Variants in RGN observed in about 807,000 individuals in gnomAD.
The protein encoded by RGN is regucalcin, also known as epididymis secretory protein Li 41.
RGN carries 19 observed loss-of-function variants against 20.6 expected under a neutral mutation model. The ratio of observed to expected loss-of-function variants is 0.92; its 90% CI spans 0.64 to 1.35. The LOEUF (loss-of-function observed/expected upper bound fraction) is 1.35, where lower values mean the gene tolerates loss of function less well. RGN is among the 40% of genes most tolerant of loss of function. The pLI is 0.00. For missense variants in RGN, 302 were observed against 232.7 expected (o/e 1.30, Z -1.94); for synonymous variants, 85 against 87.2 (o/e 0.97, Z 0.14).
chrX:47,080,317 A>T lies in RGN; in HGVS notation c.-635A>T, dbSNP rs1461685317. On this transcript the variant is annotated splice_region_variant and 5_prime_UTR_variant, in exon 2 of 8. Transcript: ENST00000397180. The stretch of plus-strand genomic sequence containing the variant: ...TTATCTGATTTTTTCTCCTTTTCAG[A>T]TAATTTTTCTCTGTCTTCTCCCAGT... The T allele has an allele frequency of 2.7e-5, 3 of 112,136 alleles. No homozygotes were observed. The highest frequency in any genetic ancestry group is 5.6e-5 in the Non-Finnish European group (3 of 53,259). The allele number at this position is 112,136 out of a possible 1,213,427, so 9.2% of individuals were successfully genotyped here. A position where few individuals can be genotyped will look rare whatever the true frequency, so the allele number is the denominator to read the frequency against.
chrX:47,079,784 A>G (rs1172836405), intron 1 of RGN, among the ~76,000 whole-genome samples: 3 of 111,098 alleles, frequency 2.7e-5, no homozygotes, highest in Non-Finnish European at 5.7e-5. Context: ...ATCAAACATT[A>G]TTTTTCTTTT....
intron 3 of RGN, among the ~76,000 whole-genome samples, chrX:47,081,710 A>G (rs1930332357): frequency 9.1e-6 from 1 of 110,123 alleles, no homozygotes; most frequent in Non-Finnish European, 1.9e-5. Flanking sequence ...CACTATGTCC[A>G]GCTAGTTTGT....
rs201514577 is a variant in RGN, at chrX:47,084,562, A to G, written c.308A>G (p.Asn103Ser). 829 of 1,197,784 alleles carry G rather than the reference A, an allele frequency of 6.9e-4. No individual in the cohort carries two copies. The highest frequency in any genetic ancestry group is 9.0e-4 in the Non-Finnish European group (801 of 888,381). The stretch of plus-strand genomic sequence containing the variant: ...AACGACAAGAAAAACAATCGCTTCA[A>G]TGATGGGAAGGTGGATCCCGCCGGG... ...VDNDKKNNRF[N>S]DGKVDPAGRY... Residue 103 changes from asparagine to serine, a missense_variant, in exon 4 of 8, where the codon AAT becomes AGT. By Grantham distance (46) the Asn-to-Ser change is conservative. Transcript: ENST00000397180.
rs1199699582 is a variant in RGN, at chrX:47,090,940, GAAAGAAAGAAAGAAAGA to G, written c.563-735_563-719del. 5.8e-4 allele frequency among the ~76,000 whole-genome samples: 15 copies of G among 26,044 alleles called. 1 individual carries two copies. The highest frequency in any genetic ancestry group is 1.8e-3 in the Admixed American group (5 of 2,730). 22.6% of individuals were successfully genotyped at this position (26,044 alleles called of 115,157 possible). A position where few individuals can be genotyped will look rare whatever the true frequency, so the allele number is the denominator to read the frequency against. ...GGAAAGAAAGAAAGAAAGAAAGAAA[GAAAGAAAGAAAGAAAGA>G]AAGAAAGAAAGAAAGAAAGAAAGAA... is the stretch of plus-strand genomic sequence containing the variant. On this transcript the variant is annotated intron_variant, in intron 5 of 7. Coordinates refer to ENST00000397180, the MANE Select transcript of RGN (RefSeq NM_152869.4).
rs1556385429 is a variant in RGN at position 47,088,950 on chromosome X, AG to A, written c.347-825del. Among the ~76,000 whole-genome samples the A allele has an allele frequency of 6.6e-3, 541 of 81,889 alleles. 22 individuals are homozygous for A. Among genetic ancestry groups the A allele is most frequent in the African/African-American group, 0.024 (510 of 21,626 alleles). 71.1% of individuals were successfully genotyped at this position (81,889 alleles called of 115,157 possible). ...CTCTGCCAAAAAAAAAAAAAAAAGA[AG>A]AAGAAGAAGAAGAAGATAGAAGAAG... On this transcript the variant is annotated intron_variant, in intron 4 of 7. Coordinates refer to ENST00000397180, the MANE Select transcript of RGN (RefSeq NM_152869.4).
At chrX:47,083,925 CA>C (rs1158565764) in intron 3 of RGN, among the ~76,000 whole-genome samples, 3 of 101,140 alleles carry the variant, frequency 3.0e-5, no homozygotes, top group Admixed American at 1.1e-4. Flanking sequence ...ACAAAACAAA[CA>C]AAAAAAAAAA....
At chrX:47,078,975 TC>T (rs1371866458) in intron 1 of RGN, among the ~76,000 whole-genome samples, 15 of 95,750 alleles carry the variant, frequency 1.6e-4, no homozygotes, top group African/African-American at 5.4e-4. Flanking sequence ...TTTTTTTTTT[TC>T]CGAGACAAGG....
At chrX:47,083,669 G>A (rs1840187706) in intron 3 of RGN, among the ~76,000 whole-genome samples, 1 of 112,115 alleles carries the variant, frequency 8.9e-6, no homozygotes, top group African/African-American at 3.2e-5. Context: ...CCAACACTTT[G>A]TGAGGCCAAG....
chrX:47,079,612 T>C (rs1316162890), intron 1 of RGN, among the ~76,000 whole-genome samples: 1 of 108,575 alleles, frequency 9.2e-6, no homozygotes, highest in African/African-American at 3.4e-5. Context: ...TTTGTATTTT[T>C]AGTAGAGATG....
At chrX:47,079,451 G>A (rs782027663) in intron 1 of RGN, among the ~76,000 whole-genome samples, 1 of 101,773 alleles carries the variant, frequency 9.8e-6, no homozygotes, top group South Asian at 5.0e-4. Flanking sequence ...TTTTTTTTGA[G>A]ACGGAGTCTT....
chrX:47,089,975 G>A lies in RGN; in HGVS notation c.546G>A (p.Leu182=). The A allele has an allele frequency of 8.4e-7, 1 of 1,190,788 alleles. No individual in the cohort carries two copies. Among genetic ancestry groups the A allele is most frequent in the East Asian group, 3.0e-5 (1 of 33,457 alleles). ...SYSVDAFDYD[L]QTGQISNRRS... ...CCGTGGATGCCTTTGACTATGACCTGCAGACAGGACAGATCTGTATGTATT... is the reference window on the plus strand; with the variant it reads ...CCGTGGATGCCTTTGACTATGACCTACAGACAGGACAGATCTGTATGTATT... The change falls in exon 5 of 8, where the codon CTG becomes CTA. Residue 182 remains leucine, a synonymous_variant. Transcript: ENST00000397180.
intron 2 of RGN, 76 bp from the exon 3 acceptor site, chrX:47,081,054 G>T (rs1930274827): frequency 4.1e-6 from 3 of 723,139 alleles, no homozygotes; most frequent in South Asian, 2.4e-5. Flanking sequence ...ATCCAGCCTT[G>T]CCAGTTCTTA....
intron 4 of RGN, among the ~76,000 whole-genome samples, chrX:47,089,541 C>A (rs868977683): frequency 1.5e-5 from 1 of 65,081 alleles, no homozygotes; most frequent in Non-Finnish European, 2.7e-5. Context: ...CATATATATA[C>A]ATATTATATA....
At chrX:47,084,385 T>C in intron 3 of RGN, 33 bp from the exon 4 acceptor site, 3 of 1,142,797 alleles carry the variant, frequency 2.6e-6, no homozygotes, top group Non-Finnish European at 3.5e-6. Flanking sequence ...ACTAAACTGG[T>C]ACTGTTTTTT....
At chrX:47,081,020 C>T in intron 2 of RGN, 84 bp downstream of exon 2, 1 of 536,331 alleles carries the variant, frequency 1.9e-6, no homozygotes, top group South Asian at 3.0e-5. Context: ...CATTGCATAT[C>T]CTGCTCTGAT....
chrX:47,090,909 G>GAAGAAAGAAAGAAAGAAAGAAAGAAAGA (rs1569540707), intron 5 of RGN, among the ~76,000 whole-genome samples: 1 of 16,982 alleles, frequency 5.9e-5, no homozygotes, highest in African/African-American at 1.6e-4. Context: ...AAGAAAGAAA[G>GAAGAAAGAAAGAAAGAAAGAAAGAAAGA]AAGAAGGAAA....
chrX:47,089,846 T>C lies in RGN; in HGVS notation c.417T>C (p.Pro139=), dbSNP rs1556386615. The C allele has an allele frequency of 8.3e-7, 1 of 1,209,364 alleles. No individual in the cohort carries two copies. Among genetic ancestry groups the C allele is most frequent in the African/African-American group, 1.7e-5 (1 of 57,212 alleles). The change falls in exon 5 of 8, where the codon CCT becomes CCC. Residue 139 remains proline, a synonymous_variant. Transcript: ENST00000397180. ...RHQGALYSLF[P]DHHVKKYFDQ... Reference sequence around the variant, plus strand: ...AGGGGGCCCTGTACTCCCTCTTTCCTGATCACCACGTGAAAAAGTACTTTG... The same window carrying C: ...AGGGGGCCCTGTACTCCCTCTTTCCCGATCACCACGTGAAAAAGTACTTTG...
intron 4 of RGN, among the ~76,000 whole-genome samples, chrX:47,086,168 T>C (rs781794700): frequency 3.0e-4 from 34 of 111,538 alleles, no homozygotes; most frequent in African/African-American, 1.1e-3. Context: ...TCCCCCTTTT[T>C]TAATAGGGCA....
intron 3 of RGN, among the ~76,000 whole-genome samples, chrX:47,083,649 G>A (rs190104452): frequency 2.7e-5 from 3 of 111,999 alleles, no homozygotes; most frequent in Non-Finnish European, 3.8e-5. Flanking sequence ...GGTGGCTCAC[G>A]CCTAATATCC....
Sources: allele counts gnomAD v4.1 joint callset (sites outside exome capture counted in the v4.1 genomes callset), GRCh38; gene constraint gnomAD v4.1.1; transcripts MANE v1.5; gene names NCBI Gene and HGNC (gene_info 2026-07-23, HGNC 2026-07-21).